Variants in PTPN13 observed in about 807,000 individuals in gnomAD.
PTPN13 encodes the protein tyrosine-protein phosphatase non-receptor type 13.
PTPN13 carries 191 observed loss-of-function variants against 284.0 expected under a neutral mutation model. The ratio of observed to expected loss-of-function variants is 0.67; its 90% CI spans 0.60 to 0.76. The LOEUF (loss-of-function observed/expected upper bound fraction) is 0.76. Ranked by LOEUF, PTPN13 falls within the 30% of genes least tolerant of loss-of-function variation. The pLI is 0.00. For synonymous variants in PTPN13, 986 were observed against 1,022.3 expected (o/e 0.96, Z 0.68); for missense variants, 2,797 against 2,939.9 (o/e 0.95, Z 1.12).
chr4:86,682,248 A>C (rs1472477964), intron 3 of PTPN13, among the ~76,000 whole-genome samples: 1 of 152,162 alleles, frequency 6.6e-6, no homozygotes, highest in African/African-American at 2.4e-5. Flanking sequence ...CATCACTATC[A>C]AAGGCACCTA....
chr4:86,751,164 A>C, intron 19 of PTPN13, 40 bp downstream of exon 19: 14 of 1,364,416 alleles, frequency 1.0e-5, no homozygotes, highest in African/African-American at 1.4e-5. Context: ...CCCATACCTC[A>C]TGCTCAGAGG....
intron 15 of PTPN13, among the ~76,000 whole-genome samples, 153 bp from the exon 16 acceptor site, chr4:86,741,481 T>C (rs1736161675): frequency 6.6e-6 from 1 of 152,154 alleles, no homozygotes; most frequent in Admixed American, 6.5e-5. Flanking sequence ...GCCCCCATGA[T>C]TCAGTTACCT....
intron 32 of PTPN13, among the ~76,000 whole-genome samples, chr4:86,773,825 G>A (rs1740286254): frequency 6.6e-6 from 1 of 151,286 alleles, no homozygotes; most frequent in Admixed American, 6.6e-5. Flanking sequence ...TTTCACCCTT[G>A]TAAACAACCT....
At chr4:86,771,579 G>A in intron 31 of PTPN13, 44 bp downstream of exon 31, 1 of 1,486,674 alleles carries the variant, frequency 6.7e-7, no homozygotes, top group Non-Finnish European at 9.0e-7. Flanking sequence ...ACTGGTTGTT[G>A]TTAGTAGCAG....
chr4:86,737,970 C>T (rs1407656957), intron 15 of PTPN13, among the ~76,000 whole-genome samples: 11 of 152,164 alleles, frequency 7.2e-5, no homozygotes, highest in African/African-American at 1.9e-4. Flanking sequence ...CCTTGTGATC[C>T]GCCCACCTTG....
At chr4:86,612,796 C>T (rs1720058983) in intron 1 of PTPN13, among the ~76,000 whole-genome samples, 1 of 152,126 alleles carries the variant, frequency 6.6e-6, no homozygotes, top group Non-Finnish European at 1.5e-5. Context: ...AAAAATAGTG[C>T]AAACAAGAAG....
Position 86,750,496 on chromosome 4 carries a change from C to A in PTPN13, c.2677C>A (p.Leu893Ile), listed in dbSNP as rs1318181071. The change falls in exon 18 of 48, where the codon CTC (leucine) becomes ATC (isoleucine). Residue 893 changes from leucine (L) to isoleucine (I), a missense_variant. Leu to Ile is a conservative substitution (Grantham distance 5). Coordinates refer to ENST00000411767, the MANE Select transcript of PTPN13 (RefSeq NM_080683.3). ...GAGAGCTTCGTTTAGGAGCCTGAAT[C>A]TCCAAGCAGAGTCTGTTAGAGGATT... The part of the protein sequence containing the change: ...IERASFRSLN[L>I]QAESVRGFNM... 6.2e-7 allele frequency: 1 copy of A among 1,613,444 alleles called. No homozygotes were observed. The highest frequency in any genetic ancestry group is 1.7e-5 in the Admixed American group (1 of 59,954).
At chr4:86,608,269 C>T (rs1047794374) in intron 1 of PTPN13, among the ~76,000 whole-genome samples, 1 of 152,034 alleles carries the variant, frequency 6.6e-6, no homozygotes, top group Non-Finnish European at 1.5e-5. Context: ...GTGAAGAATT[C>T]ACTATGTATA....
At chr4:86,804,532 G>A (rs569929599) in intron 43 of PTPN13, among the ~76,000 whole-genome samples, 52 of 152,172 alleles carry the variant, frequency 3.4e-4, no homozygotes, top group African/African-American at 1.1e-3. Flanking sequence ...TCTTCTCATC[G>A]CCATGCTATG....
At chr4:86,790,545 A>G (rs1742502052) in intron 40 of PTPN13, among the ~76,000 whole-genome samples, 1 of 152,238 alleles carries the variant, frequency 6.6e-6, no homozygotes, top group Non-Finnish European at 1.5e-5. Context: ...TGCCACACAC[A>G]CACACACACA....
Position 86,775,611 on chromosome 4 carries a change from A to G in PTPN13, c.5850A>G (p.Ala1950=), listed in dbSNP as rs769578788. The change falls in exon 35 of 48, where the codon GCA becomes GCG. Residue 1950 remains alanine (A), a synonymous_variant. Transcript: ENST00000411767. Reference sequence around the variant, plus strand: ...TGACCTTGGAGGAAGTTAACAGAGCATTAGACATGTCACTTCCTTCATTGG... The same window carrying G: ...TGACCTTGGAGGAAGTTAACAGAGCGTTAGACATGTCACTTCCTTCATTGG... ...QGMTLEEVNR[A]LDMSLPSLVL... is the part of the protein sequence containing the mutation. 1 of 1,613,284 alleles carries G rather than the reference A, an allele frequency of 6.2e-7. No individual in the cohort carries two copies. The highest frequency in any genetic ancestry group is 8.5e-7 in the Non-Finnish European group (1 of 1,179,608).
intron 14 of PTPN13, 28 bp downstream of exon 14, chr4:86,734,903 A>G: frequency 2.5e-6 from 4 of 1,598,782 alleles, no homozygotes; most frequent in South Asian, 2.2e-5. Flanking sequence ...TTCCAGGACC[A>G]TTTTTGTTTG....
Position 86,785,362 on chromosome 4 carries a change from G to A in PTPN13, c.6250G>A (p.Gly2084Ser), listed in dbSNP as rs1288624244. ...AAATAATGCAGCAGGATACTCCTGT[G>A]GTCCAGGTACGTGAACCAGATGAAT... The part of the protein sequence containing the change: ...NENNAAGYSC[G>S]PGTLKMNGKL... Residue 2084 changes from glycine (G) to serine (S), a missense_variant, in exon 39 of 48, where the codon GGT (glycine) becomes AGT (serine). By Grantham distance (56) the Gly-to-Ser change is moderately conservative. Coordinates refer to ENST00000411767, the MANE Select transcript of PTPN13 (RefSeq NM_080683.3). 1 of 1,609,306 alleles carries A rather than the reference G, an allele frequency of 6.2e-7. No individual in the cohort carries two copies. The highest frequency in any genetic ancestry group is 8.5e-7 in the Non-Finnish European group (1 of 1,177,956).
chr4:86,761,122 ATGTGTG>A (rs1169228191), intron 23 of PTPN13, among the ~76,000 whole-genome samples: 1 of 125,578 alleles, frequency 8.0e-6, no homozygotes, highest in Non-Finnish European at 1.7e-5. Context: ...TATATATGTG[ATGTGTG>A]TGTGTGTGTA....
intron 1 of PTPN13, among the ~76,000 whole-genome samples, chr4:86,604,107 A>G (rs1011561119): frequency 6.6e-6 from 1 of 152,010 alleles, no homozygotes; most frequent in Admixed American, 6.6e-5. Context: ...TTGTTTATTC[A>G]TGTTCAGACC....
chr4:86,705,333 C>CAAAAAAAAA lies in PTPN13; in HGVS notation c.1195+3539_1195+3547dup, dbSNP rs759784072. On this transcript the variant is annotated intron_variant, in intron 7 of 47. Transcript: ENST00000411767. The stretch of plus-strand genomic sequence containing the variant: ...TGGGTGACAGAGCAAGACTCCGTCT[C>CAAAAAAAAA]AAAAAAAAAAAAAAAGACATGCGCA... 1.6e-3 allele frequency among the ~76,000 whole-genome samples: 150 copies of CAAAAAAAAA among 95,202 alleles called. 3 individuals carry two copies. Among genetic ancestry groups the CAAAAAAAAA allele is most frequent in the African/African-American group, 4.3e-3 (107 of 24,998 alleles). The allele number at this position is 95,202 out of a possible 152,430, so 62.5% of individuals were successfully genotyped here.
intron 1 of PTPN13, among the ~76,000 whole-genome samples, chr4:86,633,526 G>A (rs1227692051): frequency 1.3e-5 from 2 of 152,168 alleles, no homozygotes; most frequent in Admixed American, 1.3e-4. Flanking sequence ...CCACTTTGGA[G>A]GAGACATGAA....
chr4:86,768,035 T>A, intron 28 of PTPN13, 59 bp downstream of exon 28: 1 of 1,505,308 alleles, frequency 6.6e-7, no homozygotes, highest in Admixed American at 2.3e-5. Context: ...ATTCAAAATT[T>A]GATTTTTACA....
At chr4:86,718,533 C>T (rs1480167126) in intron 9 of PTPN13, among the ~76,000 whole-genome samples, 2 of 151,550 alleles carry the variant, frequency 1.3e-5, no homozygotes, top group African/African-American at 4.8e-5. Context: ...TCACTGCAAC[C>T]TCTGTCTCCC....
Sources: allele counts gnomAD v4.1 joint callset (sites outside exome capture counted in the v4.1 genomes callset), GRCh38; gene constraint gnomAD v4.1.1; transcripts MANE v1.5; gene names NCBI Gene and HGNC (gene_info 2026-07-23, HGNC 2026-07-21).